Variants in CSMD3 observed in about 807,000 individuals in gnomAD.
CSMD3 encodes the protein CUB and Sushi multiple domains 3, also known as CUB and sushi domain-containing protein 3.
In CSMD3, 177 loss-of-function variants were observed where a neutral mutation model predicts 435.2. The ratio of observed to expected loss-of-function variants is 0.41; its 90% CI spans 0.36 to 0.46. The LOEUF (loss-of-function observed/expected upper bound fraction) is 0.46. CSMD3 is among the 20% of genes least tolerant of loss of function. The pLI, the probability that CSMD3 is intolerant of heterozygous loss-of-function variation, is 0.34. For missense variants in CSMD3, 4,265 were observed against 4,504.6 expected (o/e 0.95, Z 1.52); for synonymous variants, 1,656 against 1,520.5 (o/e 1.09, Z -2.07).
intron 6 of CSMD3, among the ~76,000 whole-genome samples, chr8:113,018,218 A>G (rs2086544098): frequency 1.3e-5 from 2 of 152,090 alleles, no homozygotes; most frequent in Admixed American, 6.6e-5. Flanking sequence ...TTTTCAAAAT[A>G]CAAATTAATT....
At chr8:112,574,307 G>T (rs1043349985) in intron 23 of CSMD3, among the ~76,000 whole-genome samples, 6 of 151,732 alleles carry the variant, frequency 4.0e-5, no homozygotes, top group Non-Finnish European at 7.4e-5. Flanking sequence ...ATCTCTTCAG[G>T]TCAGTAATAT....
chr8:113,175,651 A>G (rs2092336932), intron 3 of CSMD3, among the ~76,000 whole-genome samples: 1 of 151,968 alleles, frequency 6.6e-6, no homozygotes, highest in African/African-American at 2.4e-5. Context: ...TTTTTGGAAA[A>G]TTATTTGATT....
intron 3 of CSMD3, among the ~76,000 whole-genome samples, chr8:113,272,145 A>C (rs549301732): frequency 1.7e-4 from 26 of 152,254 alleles, no homozygotes; most frequent in African/African-American, 5.5e-4. Flanking sequence ...GGTGCAAGCG[A>C]CTTACCTTGT....
intron 3 of CSMD3, among the ~76,000 whole-genome samples, chr8:113,254,008 A>G (rs2093358443): frequency 6.6e-6 from 1 of 152,156 alleles, no homozygotes; most frequent in South Asian, 2.1e-4. Flanking sequence ...CTCTACAATT[A>G]GATACTATGT....
intron 13 of CSMD3, among the ~76,000 whole-genome samples, chr8:112,728,144 G>T (rs2077003673): frequency 6.6e-6 from 1 of 151,836 alleles, no homozygotes; most frequent in African/African-American, 2.4e-5. Flanking sequence ...TTGTCAGCTA[G>T]ATTTCTAACT....
intron 22 of CSMD3, among the ~76,000 whole-genome samples, chr8:112,627,585 C>T (rs1485262348): frequency 1.3e-5 from 2 of 152,138 alleles, no homozygotes; most frequent in African/African-American, 4.8e-5. Flanking sequence ...CAAATTTTGG[C>T]TTGTAACAAG....
chr8:112,913,697 T>C (rs1241488943), intron 10 of CSMD3, among the ~76,000 whole-genome samples: 2 of 150,778 alleles, frequency 1.3e-5, no homozygotes, highest in East Asian at 2.0e-4. Flanking sequence ...TCTCTCTCCT[T>C]CTTTCTCTCT....
At chr8:112,655,153 C>T (rs2075226164) in intron 18 of CSMD3, among the ~76,000 whole-genome samples, 1 of 151,972 alleles carries the variant, frequency 6.6e-6, no homozygotes, top group African/African-American at 2.4e-5. Context: ...TTTAAAAACC[C>T]ATGAGTCCAT....
At chr8:112,501,918 G>C (rs1424609234) in intron 30 of CSMD3, among the ~76,000 whole-genome samples, 1 of 151,540 alleles carries the variant, frequency 6.6e-6, no homozygotes, top group East Asian at 1.9e-4. Context: ...ACAATTTAAG[G>C]GGCCAAATCA....
intron 5 of CSMD3, among the ~76,000 whole-genome samples, chr8:113,075,487 T>G (rs527373122): frequency 3.3e-5 from 5 of 151,980 alleles, no homozygotes; most frequent in African/African-American, 9.6e-5. Flanking sequence ...TCTGAAAAGA[T>G]CTCATATAAC....
At chr8:112,279,342 A>C (rs904580865) in intron 59 of CSMD3, among the ~76,000 whole-genome samples, 4 of 152,206 alleles carry the variant, frequency 2.6e-5, no homozygotes, top group Admixed American at 6.5e-5. Context: ...GTTACCAAAC[A>C]CAAAACAGAA....
intron 50 of CSMD3, among the ~76,000 whole-genome samples, chr8:112,307,112 A>G (rs1033647094): frequency 6.6e-6 from 1 of 151,606 alleles, no homozygotes; most frequent in Non-Finnish European, 1.5e-5. Context: ...ACTCAATTAA[A>G]GTCAGGTTTT....
chr8:112,620,764 T>A (rs535162204), intron 22 of CSMD3, among the ~76,000 whole-genome samples: 358 of 152,266 alleles, frequency 2.4e-3, no homozygotes, highest in African/African-American at 8.2e-3. Context: ...GCCTCTATAA[T>A]TTCCTACTCC....
intron 38 of CSMD3, among the ~76,000 whole-genome samples, chr8:112,352,859 C>G (rs1428812762): frequency 6.6e-6 from 1 of 151,890 alleles, no homozygotes; most frequent in African/African-American, 2.4e-5. Flanking sequence ...AAGAAAATTC[C>G]TACATGAAAA....
At chr8:112,301,993 C>G (rs1382556645) in intron 52 of CSMD3, 27 bp from the exon 53 acceptor site, 5 of 1,497,018 alleles carry the variant, frequency 3.3e-6, no homozygotes, top group Non-Finnish European at 1.9e-6. Flanking sequence ...AAATAAAAAT[C>G]CTTAAAGATA....
chr8:113,297,310 T>C (rs953023041), intron 2 of CSMD3, among the ~76,000 whole-genome samples: 1 of 152,080 alleles, frequency 6.6e-6, no homozygotes, highest in Non-Finnish European at 1.5e-5. Context: ...TGGTCGCACA[T>C]TAACTGTCAA....
At chr8:112,262,284 C>T (rs1339650910) in intron 61 of CSMD3, among the ~76,000 whole-genome samples, 1 of 152,038 alleles carries the variant, frequency 6.6e-6, no homozygotes, top group Non-Finnish European at 1.5e-5. Flanking sequence ...ATAAATGGTT[C>T]TGTGTTCTCC....
chr8:112,889,336 A>C (rs560407174), intron 10 of CSMD3, among the ~76,000 whole-genome samples: 1 of 151,800 alleles, frequency 6.6e-6, no homozygotes, highest in South Asian at 2.1e-4. Flanking sequence ...TGATCCTTTC[A>C]GCAGCCAAGT....
At chr8:112,374,023 G>T (rs575796350) in intron 38 of CSMD3, among the ~76,000 whole-genome samples, 1 of 152,158 alleles carries the variant, frequency 6.6e-6, no homozygotes, top group Admixed American at 6.5e-5. Context: ...TGTTTTATAC[G>T]TTTGTCCTTA....
Sources: allele counts gnomAD v4.1 joint callset (sites outside exome capture counted in the v4.1 genomes callset), GRCh38; gene constraint gnomAD v4.1.1; transcripts MANE v1.5; gene names NCBI Gene and HGNC (gene_info 2026-07-23, HGNC 2026-07-21).